Variants in PCDH15 observed in about 807,000 individuals in gnomAD.
The protein encoded by PCDH15 is protocadherin related 15.
In PCDH15, 129 loss-of-function variants were observed where a neutral mutation model predicts 178.5. The ratio of observed to expected loss-of-function variants is 0.72; its 90% CI spans 0.63 to 0.84. The LOEUF (loss-of-function observed/expected upper bound fraction) is 0.84, where lower values mean the gene tolerates loss of function less well. Among genes scored for constraint, PCDH15 ranks in the 40% least tolerant of loss-of-function variants. The pLI is 0.00. For missense variants in PCDH15, 2,230 were observed against 2,099.9 expected, an observed-to-expected ratio of 1.06 and a Z score of -1.21; for synonymous variants, 800 against 732.0, an observed-to-expected ratio of 1.09 and a Z score of -1.50.
intron 2 of PCDH15, among the ~76,000 whole-genome samples, chr10:55,089,190 AG>A (rs1842253429): frequency 6.6e-6 from 1 of 152,166 alleles, no homozygotes; most frequent in Non-Finnish European, 1.5e-5. Flanking sequence ...TTCGTAAGAC[AG>A]GCTCATTACA....
At chr10:54,129,868 G>T (rs7900318) in intron 15 of PCDH15, among the ~76,000 whole-genome samples, 96,664 of 151,936 alleles carry the variant, frequency 0.64, 32,173 homozygotes, top group East Asian at 0.88. Flanking sequence ...CTTGGGTTGT[G>T]CAAGGGTCAA....
Position 54,280,114 on chromosome 10 carries a change from T to C in PCDH15, c.876+37157A>G, listed in dbSNP as rs147135961. ...TTATTAGAAGAAACTTTGCAGATTA[T>C]AGCCAGATAATTTAAAATAATAAAA... On this transcript the variant is annotated intron_variant, in intron 8 of 37. Transcript: ENST00000644397. 7.3e-3 allele frequency among the ~76,000 whole-genome samples: 1,109 copies of C among 151,862 alleles called. 16 individuals carry two copies. The highest frequency in any genetic ancestry group is 0.026 in the African/African-American group (1,061 of 41,522).
chr10:54,178,457 T>C (rs999171551), intron 13 of PCDH15, among the ~76,000 whole-genome samples: 1 of 151,946 alleles, frequency 6.6e-6, no homozygotes, highest in Non-Finnish European at 1.5e-5. Context: ...ATAATGTTAA[T>C]TGGGCAAAGG....
At chr10:54,639,900 G>A (rs941068185) in intron 2 of PCDH15, among the ~76,000 whole-genome samples, 23 of 152,044 alleles carry the variant, frequency 1.5e-4, no homozygotes, top group African/African-American at 5.1e-4. Context: ...ATATGGCACT[G>A]AATAAAATAT....
intron 15 of PCDH15, 140 bp from the exon 16 acceptor site, chr10:54,090,203 G>T (rs1245407825): frequency 7.2e-6 from 5 of 692,800 alleles, no homozygotes; most frequent in Non-Finnish European, 1.3e-5. Flanking sequence ...ATGGCCTAAT[G>T]GCAAGGTGTA....
intron 4 of PCDH15, among the ~76,000 whole-genome samples, chr10:54,377,298 CTG>C (rs1268544110): frequency 6.6e-6 from 1 of 151,964 alleles, no homozygotes; most frequent in Non-Finnish European, 1.5e-5. Context: ...TTAAATGAGA[CTG>C]TAATTTCCAG....
chr10:53,919,144 T>C (rs1268409567), intron 25 of PCDH15, among the ~76,000 whole-genome samples: 1 of 152,130 alleles, frequency 6.6e-6, no homozygotes, highest in East Asian at 1.9e-4. Flanking sequence ...CTATATTAAA[T>C]CCTTAATCCA....
At position 54,010,503 on chromosome 10, in the gene PCDH15, A is replaced by C. The variant is rs559173546; in HGVS notation, c.2751+9689T>G. 1.9e-3 allele frequency among the ~76,000 whole-genome samples: 287 copies of C among 152,264 alleles called. 1 individual carries two copies. Among genetic ancestry groups the C allele is most frequent in the African/African-American group, 6.5e-3 (272 of 41,560 alleles). On this transcript the variant is annotated intron_variant, in intron 20 of 37. Transcript: ENST00000644397. ...GACTGATGCAAACGCCCAGCACAGC[A>C]CGGCAGCATTACAGAAAAGCAGCTA...
At chr10:55,356,234 A>G (rs1394721345) in intron 2 of PCDH15, among the ~76,000 whole-genome samples, 2 of 151,952 alleles carry the variant, frequency 1.3e-5, no homozygotes, top group African/African-American at 4.8e-5. Context: ...AGAAATAAAA[A>G]AAGAAAGATG....
At chr10:55,080,845 G>T (rs1414254068) in intron 2 of PCDH15, among the ~76,000 whole-genome samples, 1 of 152,116 alleles carries the variant, frequency 6.6e-6, no homozygotes, top group East Asian at 1.9e-4. Flanking sequence ...ATGGAGGGTG[G>T]GGTTGCTGCT....
At chr10:55,509,911 A>G (rs1156605321) in intron 2 of PCDH15, among the ~76,000 whole-genome samples, 1 of 151,982 alleles carries the variant, frequency 6.6e-6, no homozygotes, top group African/African-American at 2.4e-5. Flanking sequence ...TAACCGTTTT[A>G]TTCATGAAGA....
intron 2 of PCDH15, among the ~76,000 whole-genome samples, chr10:55,026,264 G>C (rs1840473137): frequency 6.6e-6 from 1 of 151,908 alleles, no homozygotes; most frequent in Non-Finnish European, 1.5e-5. Flanking sequence ...ATTATTCTAT[G>C]ATAATGACAT....
intron 1 of PCDH15, among the ~76,000 whole-genome samples, chr10:55,282,064 T>A (rs1047266792): frequency 6.6e-6 from 1 of 152,142 alleles, no homozygotes; most frequent in African/African-American, 2.4e-5. Context: ...GAAAGAGCAA[T>A]GTTTTAAAAA....
rs35494053 is a variant in PCDH15, at chr10:54,780,733, T to TAA, written c.-29+20190_-29+20191dup. On this transcript the variant is annotated intron_variant, in intron 1 of 37. Coordinates refer to ENST00000644397, the MANE Select transcript of PCDH15 (RefSeq NM_001384140.1). The stretch of plus-strand genomic sequence containing the variant: ...CTCATCAGGTGATAAAGCAATTGTG[T>TAA]AAAAAAAAAAAAAAAAAAGAAAATT... Among the ~76,000 whole-genome samples, 258 of 114,310 alleles carry TAA rather than the reference T, an allele frequency of 2.3e-3. 4 individuals are homozygous for TAA. Among genetic ancestry groups the TAA allele is most frequent in the East Asian group, 0.018 (74 of 4,168 alleles). 75.0% of individuals were successfully genotyped at this position (114,310 alleles called of 152,430 possible).
rs144219435 is a variant in PCDH15 at position 55,475,915 on chromosome 10, G to A, written c.-156+151710C>T. On this transcript the variant is annotated intron_variant, in intron 2 of 5. Coordinates refer to the PCDH15 transcript ENST00000613346. ...TCATAATTTTAGCCAGCCCTTATTGGAGAACAGAATTAGGCAAACTGGCAA... is the reference window on the plus strand; with the variant it reads ...TCATAATTTTAGCCAGCCCTTATTGAAGAACAGAATTAGGCAAACTGGCAA... Among the ~76,000 whole-genome samples the A allele has an allele frequency of 3.8e-3, 573 of 152,090 alleles. 8 individuals carry two copies. The highest frequency in any genetic ancestry group is 0.013 in the African/African-American group (546 of 41,490).
chr10:55,397,797 G>C (rs1189391764), intron 2 of PCDH15, among the ~76,000 whole-genome samples: 2 of 151,936 alleles, frequency 1.3e-5, no homozygotes, highest in Non-Finnish European at 2.9e-5. Context: ...ATGTTGTTCA[G>C]GCTGGTCTCG....
chr10:54,471,630 T>G (rs573279541), intron 3 of PCDH15, among the ~76,000 whole-genome samples: 1 of 151,848 alleles, frequency 6.6e-6, no homozygotes, highest in South Asian at 2.1e-4. Context: ...TCTTCTATTT[T>G]AAATTTTATT....
intron 3 of PCDH15, among the ~76,000 whole-genome samples, chr10:54,886,672 G>T (rs1026980587): frequency 6.6e-6 from 1 of 152,232 alleles, no homozygotes; most frequent in Non-Finnish European, 1.5e-5. Flanking sequence ...CTTGGCAGGA[G>T]AATCGCTTGA....
intron 3 of PCDH15, among the ~76,000 whole-genome samples, chr10:54,435,622 G>C (rs940046541): frequency 6.6e-6 from 1 of 152,086 alleles, no homozygotes; most frequent in Non-Finnish European, 1.5e-5. Flanking sequence ...TCCAACCTGA[G>C]ATAAAATAGA....
Sources: allele counts gnomAD v4.1 joint callset (sites outside exome capture counted in the v4.1 genomes callset), GRCh38; gene constraint gnomAD v4.1.1; transcripts MANE v1.5; gene names NCBI Gene and HGNC (gene_info 2026-07-23, HGNC 2026-07-21).